Variants in NRXN1 observed in about 807,000 individuals in gnomAD.
The protein encoded by NRXN1 is neurexin 1, also known as neurexin-1.
A neutral mutation model predicts 150.9 loss-of-function variants in NRXN1; 39 were observed. The ratio of observed to expected loss-of-function variants is 0.26; its 90% CI spans 0.20 to 0.34. NRXN1 has a LOEUF of 0.34. NRXN1 is among the 10% of genes least tolerant of loss of function. The pLI is 1.00. For missense variants in NRXN1, 1,815 were observed against 1,949.9 expected (o/e 0.93, Z 1.30); for synonymous variants, 924 against 757.0 (o/e 1.22, Z -3.62).
intron 5 of NRXN1, chr2:50,631,076 G>C (rs376294255): frequency 4.5e-6 from 2 of 449,186 alleles, no homozygotes; most frequent in Admixed American, 2.6e-5. Context: ...ACAATAAATT[G>C]ATTATTACAA....
chr2:50,597,751 T>C (rs937498904), intron 8 of NRXN1, among the ~76,000 whole-genome samples: 18 of 152,306 alleles, frequency 1.2e-4, no homozygotes, highest in African/African-American at 4.3e-4. Context: ...TGCTGCTCAG[T>C]GTTCAATAAA....
chr2:50,833,774 C>A (rs866106223), intron 5 of NRXN1, among the ~76,000 whole-genome samples: 1 of 152,182 alleles, frequency 6.6e-6, no homozygotes, highest in Middle Eastern at 3.4e-3. Context: ...CTTCATATAC[C>A]ACTCAAAAAG....
At chr2:50,821,306 T>C (rs1336700928) in intron 5 of NRXN1, among the ~76,000 whole-genome samples, 1 of 152,182 alleles carries the variant, frequency 6.6e-6, no homozygotes, top group Non-Finnish European at 1.5e-5. Flanking sequence ...TTTAAGCTCA[T>C]CAGCTATCGT....
At chr2:50,376,719 T>C (rs907436897) in intron 17 of NRXN1, among the ~76,000 whole-genome samples, 1 of 152,170 alleles carries the variant, frequency 6.6e-6, no homozygotes, top group African/African-American at 2.4e-5. Flanking sequence ...GATCATGTCA[T>C]TAGGCAGAGC....
intron 5 of NRXN1, among the ~76,000 whole-genome samples, chr2:50,708,486 G>A (rs1694736309): frequency 6.6e-6 from 1 of 152,146 alleles, no homozygotes; most frequent in South Asian, 2.1e-4. Flanking sequence ...CACTGCTAGA[G>A]CCTCGTTAGT....
intron 17 of NRXN1, among the ~76,000 whole-genome samples, chr2:50,425,948 A>T (rs1295719362): frequency 2.6e-5 from 4 of 152,228 alleles, no homozygotes; most frequent in Admixed American, 2.6e-4. Context: ...GGCATGCCAA[A>T]TTGTGGACAT....
At chr2:50,881,683 G>A (rs947925698) in intron 5 of NRXN1, among the ~76,000 whole-genome samples, 4 of 151,850 alleles carry the variant, frequency 2.6e-5, no homozygotes, top group Non-Finnish European at 5.9e-5. Context: ...CCTGATTTGA[G>A]TGAGGAGGTT....
intron 17 of NRXN1, among the ~76,000 whole-genome samples, chr2:50,334,166 A>G (rs2077015710): frequency 8.1e-6 from 1 of 124,046 alleles, no homozygotes; most frequent in Non-Finnish European, 1.6e-5. Flanking sequence ...TCTCTTTGCT[A>G]CTGCCTTTCC....
intron 5 of NRXN1, among the ~76,000 whole-genome samples, chr2:50,634,466 T>C (rs915827347): frequency 1.3e-5 from 2 of 152,218 alleles, no homozygotes; most frequent in Non-Finnish European, 2.9e-5. Flanking sequence ...AAACAATATA[T>C]GCATAATAAG....
chr2:50,278,525 G>A (rs1352301086), intron 17 of NRXN1, among the ~76,000 whole-genome samples: 3 of 150,844 alleles, frequency 2.0e-5, no homozygotes, highest in South Asian at 2.1e-4. Context: ...CGTTTGAATT[G>A]GGTCCAAAGG....
intron 8 of NRXN1, among the ~76,000 whole-genome samples, chr2:50,570,054 T>G (rs2105450768): frequency 6.6e-6 from 1 of 152,290 alleles, no homozygotes; most frequent in Non-Finnish European, 1.5e-5. Context: ...GGTTTACTAC[T>G]AAATTAAAGA....
chr2:50,515,600 GGTGTGTGTGTGT>G (rs60612860), intron 12 of NRXN1, among the ~76,000 whole-genome samples: 5 of 143,426 alleles, frequency 3.5e-5, no homozygotes, highest in Admixed American at 7.0e-5. Context: ...AAATGCTTGG[GGTGTGTGTGTGT>G]GTGTGTGTGT....
At chr2:49,949,846 T>C (rs1190972403) in intron 21 of NRXN1, among the ~76,000 whole-genome samples, 1 of 151,884 alleles carries the variant, frequency 6.6e-6, no homozygotes, top group Non-Finnish European at 1.5e-5. Context: ...ATGATATCTT[T>C]GGTTAACTGA....
At chr2:50,760,074 G>T (rs1354370302) in intron 5 of NRXN1, among the ~76,000 whole-genome samples, 1 of 151,804 alleles carries the variant, frequency 6.6e-6, no homozygotes, top group Non-Finnish European at 1.5e-5. Context: ...ACTGCACATA[G>T]TTCATTTTTT....
chr2:50,368,969 G>T (rs2079804479), intron 17 of NRXN1, among the ~76,000 whole-genome samples: 1 of 151,874 alleles, frequency 6.6e-6, no homozygotes, highest in Non-Finnish European at 1.5e-5. Context: ...ATGGCTTTAG[G>T]TTTAATTGTC....
intron 5 of NRXN1, among the ~76,000 whole-genome samples, chr2:50,638,179 C>A (rs1469228822): frequency 6.6e-6 from 1 of 152,122 alleles, no homozygotes; most frequent in African/African-American, 2.4e-5. Flanking sequence ...ATCAGAATCA[C>A]CTGGAAAACT....
At chr2:50,651,210 C>A (rs1239602333) in intron 5 of NRXN1, among the ~76,000 whole-genome samples, 2 of 151,876 alleles carry the variant, frequency 1.3e-5, no homozygotes, top group African/African-American at 2.4e-5. Flanking sequence ...ATCTACATGT[C>A]ATACATGTAT....
At chr2:50,820,653 G>A (rs1394376630) in intron 5 of NRXN1, among the ~76,000 whole-genome samples, 1 of 152,096 alleles carries the variant, frequency 6.6e-6, no homozygotes, top group Non-Finnish European at 1.5e-5. Flanking sequence ...AGGTGACCCT[G>A]GGATGTAGAC....
intron 21 of NRXN1, among the ~76,000 whole-genome samples, chr2:49,966,296 A>G (rs2152489611): frequency 6.6e-6 from 1 of 152,252 alleles, no homozygotes; most frequent in East Asian, 1.9e-4. Context: ...AGGACTCGAA[A>G]TGAGCATCTG....
Sources: allele counts gnomAD v4.1 joint callset (sites outside exome capture counted in the v4.1 genomes callset), GRCh38; gene constraint gnomAD v4.1.1; transcripts MANE v1.5; gene names NCBI Gene and HGNC (gene_info 2026-07-23, HGNC 2026-07-21).